The following HLA-DPB1 variants were observed in gnomAD, a reference collection of about 807,000 sequenced individuals.
HLA-DPB1 encodes the protein HLA class II histocompatibility antigen, DP beta 1 chain.
HLA-DPB1 carries 30 observed loss-of-function variants against 29.4 expected under a neutral mutation model. The ratio of observed to expected loss-of-function variants is 1.02; its 90% confidence interval spans 0.76 to 1.38. The LOEUF (loss-of-function observed/expected upper bound fraction) is 1.38, where lower values mean the gene tolerates loss of function less well. HLA-DPB1 is among the 40% of genes most tolerant of loss of function. The probability of loss-of-function intolerance (pLI) is 0.00; values close to 1 mark genes in which losing one functional copy is unlikely to be tolerated. For synonymous variants in HLA-DPB1, 114 were observed against 134.0 expected (o/e 0.85, Z 1.03); for missense variants, 261 against 327.5 (o/e 0.80, Z 1.57).
In HLA-DPB1 at chr6:33,086,913, T is replaced by C. The variant is rs1562161439; in HGVS notation, c.*379T>C. The C allele has an allele frequency of 1.8e-5, 5 of 277,784 alleles. No homozygotes were observed. The highest frequency in any genetic ancestry group is 3.5e-5 in the Non-Finnish European group (5 of 143,602). 17.2% of individuals were successfully genotyped at this position (277,784 alleles called of 1,614,324 possible). On this transcript the variant is annotated 3_prime_UTR_variant, in exon 6 of 6. Coordinates refer to ENST00000418931, the MANE Select transcript of HLA-DPB1 (RefSeq NM_002121.6). ...AAGAAGAGAACCATGAAAATGGGGA[T>C]ATGTTAACTATTGTATAATGGGGCC...
rs1210259444 is a variant in HLA-DPB1 at position 33,087,540 on chromosome 6, T to TA, written c.*1007dup. On this transcript the variant is annotated 3_prime_UTR_variant, in exon 6 of 6. Transcript: ENST00000418931. ...TAGAGGATGGATTCTTCACTCCTGA[T>TA]ACACACAATCAGTGCACAGCAGCTC... 5.3e-5 allele frequency among the ~76,000 whole-genome samples: 8 copies of TA among 152,090 alleles called. No individual in the cohort carries two copies. Among genetic ancestry groups the TA allele is most frequent in the Non-Finnish European group, 1.0e-4 (7 of 68,024 alleles).
rs77339491 is a variant in HLA-DPB1 at position 33,088,068 on chromosome 6, A to G, written c.*1534A>G. On this transcript the variant is annotated 3_prime_UTR_variant, in exon 6 of 6. Coordinates refer to ENST00000418931, the MANE Select transcript of HLA-DPB1 (RefSeq NM_002121.6). ...AGTATATAGTAAATAAGGACCCTTT[A>G]TCTGTCTTATTTTCCCTTTTGGCTT... Among the ~76,000 whole-genome samples, 2 of 61,202 alleles carry G rather than the reference A, an allele frequency of 3.3e-5. No homozygotes were observed. Among genetic ancestry groups the G allele is most frequent in the Non-Finnish European group, 6.0e-5 (2 of 33,368 alleles). 40.2% of individuals were successfully genotyped at this position (61,202 alleles called of 152,430 possible).
chr6:33,079,992 A>G (rs548091661), intron 1 of HLA-DPB1: 1 of 223,326 alleles, frequency 4.5e-6, no homozygotes, highest in African/African-American at 2.3e-5. Flanking sequence ...TCATTGTGTA[A>G]AATACTTTCC....
rs1762758563 is a variant in HLA-DPB1, at chr6:33,080,162, C to G, written c.101-510C>G. Among the ~76,000 whole-genome samples, 1 of 152,126 alleles carries G rather than the reference C, an allele frequency of 6.6e-6. No homozygotes were observed. Among genetic ancestry groups the G allele is most frequent in the African/African-American group, 2.4e-5 (1 of 41,412 alleles). On this transcript the variant is annotated intron_variant, in intron 1 of 5. Coordinates refer to ENST00000418931, the MANE Select transcript of HLA-DPB1 (RefSeq NM_002121.6). The surrounding 1 kb of genome is among the most constrained non-coding windows in gnomAD (Gnocchi z 4.3). ...AGCAAGTTGAGGAATTCTCAAGAAA[C>G]TGGTCGAGAAGAGAGAGCGCTTAGC...
rs1416831841 is a variant in HLA-DPB1 at position 33,080,279 on chromosome 6, G to A, written c.101-393G>A. On this transcript the variant is annotated intron_variant, in intron 1 of 5. Transcript: ENST00000418931. This position sits in a 1 kb window ranked among gnomAD's most constrained non-coding sequence, Gnocchi z 4.3. ...TCAGGATGGAAATGTCAGTCAGGGAGTTAAGTAGGGGGAGCAGCTCCGCCC... is the reference window on the plus strand; with the variant it reads ...TCAGGATGGAAATGTCAGTCAGGGAATTAAGTAGGGGGAGCAGCTCCGCCC... 5 of 383,726 alleles carry A rather than the reference G, an allele frequency of 1.3e-5. No individual in the cohort carries two copies. In the East Asian group the frequency reaches 3.4e-4, roughly 26 times the overall value. The allele number at this position is 383,726 out of a possible 1,614,324, so 23.8% of individuals were successfully genotyped here. A position where few individuals can be genotyped will look rare whatever the true frequency, so the allele number is the denominator to read the frequency against.
chr6:33,085,361 C>T, intron 3 of HLA-DPB1, 130 bp downstream of exon 3: 1 of 801,008 alleles, frequency 1.2e-6, no homozygotes, highest in East Asian at 2.7e-5. Flanking sequence ...TCTTCTATAC[C>T]AGCTCCTGAG....
rs1763031337 is a variant in HLA-DPB1 at position 33,084,965 on chromosome 6, A to C, written c.380A>C (p.Asn127Thr). 1 of 1,581,106 alleles carries C rather than the reference A, an allele frequency of 6.3e-7. No individual in the cohort carries two copies. Among genetic ancestry groups the C allele is most frequent in the African/African-American group, 1.4e-5 (1 of 72,218 alleles). ...TLQRRVQPRV[N>T]VSPSKKGPLQ... Reference sequence around the variant, plus strand: ...ACGCTCCTAGTCCAGCCTAGGGTGAATGTTTCCCCCTCCAAGAAGGGGCCC... The same window carrying C: ...ACGCTCCTAGTCCAGCCTAGGGTGACTGTTTCCCCCTCCAAGAAGGGGCCC... Residue 127 changes from asparagine to threonine, a missense_variant, in exon 3 of 6, where the codon AAT (asparagine) becomes ACT (threonine). Physicochemically the swap from Asn to Thr is moderately conservative, Grantham distance 65. Transcript: ENST00000418931.
At chr6:33,081,134 G>A in intron 2 of HLA-DPB1, 199 bp downstream of exon 2, 1 of 617,680 alleles carries the variant, frequency 1.6e-6, no homozygotes, top group Non-Finnish European at 2.7e-6. Context: ...AGCATGGAGT[G>A]AGGAGGACGA....
chr6:33,078,764 T>G (rs1762684995), intron 1 of HLA-DPB1, among the ~76,000 whole-genome samples: 1 of 152,194 alleles, frequency 6.6e-6, no homozygotes, highest in Non-Finnish European at 1.5e-5. Context: ...AATTAAATGT[T>G]GCAAAGAAAA....
chr6:33,085,460 T>C (rs1562158471), intron 3 of HLA-DPB1, among the ~76,000 whole-genome samples: 1 of 152,188 alleles, frequency 6.6e-6, no homozygotes, highest in African/African-American at 2.4e-5. Flanking sequence ...TCAGAGAATC[T>C]AGGGACACTG....
In HLA-DPB1 at chr6:33,080,497, G is replaced by A. The variant is rs1356540505; in HGVS notation, c.101-175G>A. The A allele has an allele frequency of 1.2e-6, 1 of 868,466 alleles. No individual in the cohort carries two copies. Among genetic ancestry groups the A allele is most frequent in the Non-Finnish European group, 1.9e-6 (1 of 525,504 alleles). 53.8% of individuals were successfully genotyped at this position (868,466 alleles called of 1,614,324 possible). A position where few individuals can be genotyped will look rare whatever the true frequency, so the allele number is the denominator to read the frequency against. ...CTCTGCGTGGTGAGAAAACAGGCCT[G>A]GAGAGGCTCTGCGACCCGCTTAGGA... On this transcript the variant is annotated intron_variant, in intron 1 of 5. Transcript: ENST00000418931. This position sits in a 1 kb window ranked among gnomAD's most constrained non-coding sequence, Gnocchi z 4.3.
chr6:33,085,021 G>A lies in HLA-DPB1; in HGVS notation c.436G>A (p.Val146Met), dbSNP rs1230531027. The A allele has an allele frequency of 3.7e-6, 6 of 1,612,996 alleles. No homozygotes were observed. The highest frequency in any genetic ancestry group is 1.7e-5 in the Admixed American group (1 of 60,002). ...LQHHNLLVCH[V>M]TDFYPGSIQV... ...GCACCACAACCTGCTTGTCTGCCAC[G>A]TGACGGATTTCTACCCAGGCAGCAT... Residue 146 changes from valine to methionine, a missense_variant, in exon 3 of 6, where the codon GTG becomes ATG. By Grantham distance (21) the Val-to-Met change is conservative. Transcript: ENST00000418931.
At position 33,089,640 on chromosome 6, in the gene HLA-DPB1, G is replaced by A. The variant is rs1361079186; in HGVS notation, c.*3106G>A. Among the ~76,000 whole-genome samples the A allele has an allele frequency of 1.3e-5, 2 of 152,200 alleles. No homozygotes were observed. The highest frequency in any genetic ancestry group is 2.4e-5 in the African/African-American group (1 of 41,442). ...TTCAAATAAGTGGGAATACTTGAAG[G>A]TGGAAAACATTTAAGAAGTACACAC... On this transcript the variant is annotated 3_prime_UTR_variant, in exon 6 of 6. Coordinates refer to ENST00000418931, the MANE Select transcript of HLA-DPB1 (RefSeq NM_002121.6).
intron 1 of HLA-DPB1, among the ~76,000 whole-genome samples, chr6:33,076,517 C>A (rs781284466): frequency 5.9e-5 from 9 of 152,138 alleles, no homozygotes; most frequent in Non-Finnish European, 1.3e-4. Flanking sequence ...AGGCAGAGAG[C>A]CCTAAGCTGG....
chr6:33,084,904 G>T, intron 2 of HLA-DPB1, 46 bp from the exon 3 acceptor site: 1 of 1,102,890 alleles, frequency 9.1e-7, no homozygotes, highest in Non-Finnish European at 1.3e-6. Flanking sequence ...AAGGAAAGAA[G>T]GACAATCTCA....
intron 1 of HLA-DPB1, among the ~76,000 whole-genome samples, chr6:33,079,110 C>G (rs1762706229): frequency 1.3e-5 from 2 of 152,250 alleles, no homozygotes; most frequent in African/African-American, 4.8e-5. Flanking sequence ...TCTCCACTAT[C>G]CTCTGCCACC....
Position 33,087,734 on chromosome 6 carries a change from C to T in HLA-DPB1, c.*1200C>T, listed in dbSNP as rs1763179815. Among the ~76,000 whole-genome samples, 1 of 152,142 alleles carries T rather than the reference C, an allele frequency of 6.6e-6. No homozygotes were observed. The highest frequency in any genetic ancestry group is 2.4e-5 in the African/African-American group (1 of 41,408). ...CTTCCATCGGGGGACCGGCTTCCTC[C>T]AATTTCAGGAGAGGTGGGGCTGAAG... is the stretch of plus-strand genomic sequence containing the variant. On this transcript the variant is annotated 3_prime_UTR_variant, in exon 6 of 6. Transcript: ENST00000418931.
chr6:33,080,122 A>C lies in HLA-DPB1; in HGVS notation c.101-550A>C, dbSNP rs1050400833. ...AGAAATATATTTCTACATCTCCTACATGCAAAACAACAGGAGCAAGTTGAG... is the reference window on the plus strand; with the variant it reads ...AGAAATATATTTCTACATCTCCTACCTGCAAAACAACAGGAGCAAGTTGAG... On this transcript the variant is annotated intron_variant, in intron 1 of 5. Transcript: ENST00000418931. The surrounding 1 kb of genome is among the most constrained non-coding windows in gnomAD (Gnocchi z 4.3). Among the ~76,000 whole-genome samples, 3 of 152,180 alleles carry C rather than the reference A, an allele frequency of 2.0e-5. No individual in the cohort carries two copies. Among genetic ancestry groups the C allele is most frequent in the Non-Finnish European group, 4.4e-5 (3 of 68,034 alleles).
intron 1 of HLA-DPB1, chr6:33,079,816 G>A: frequency 2.2e-6 from 1 of 454,596 alleles, no homozygotes; most frequent in East Asian, 6.1e-5. Context: ...GGCCATCAGA[G>A]TCACCAACCC....
Sources: gnomAD v4.1 joint callset for allele counts (sites outside exome capture counted in the v4.1 genomes callset) on GRCh38, gnomAD v4.1.1 for gene constraint, Gnocchi (gnomAD v3.1) non-coding constraint, MANE v1.5 for transcripts, NCBI Gene and HGNC (gene_info 2026-07-23, HGNC 2026-07-21) for gene names.